The following TRMT11 variants were observed in gnomAD, a reference collection of about 807,000 sequenced individuals.
The protein encoded by TRMT11 is tRNA (guanine(10)-N(2))-methyltransferase TRMT11.
In TRMT11, 53 loss-of-function variants were observed where a neutral mutation model predicts 62.8. The ratio of observed to expected loss-of-function variants is 0.84; its 90% CI spans 0.68 to 1.06. TRMT11 has a LOEUF of 1.06. Ranked by LOEUF, TRMT11 falls within the 50% of genes least tolerant of loss-of-function variation. The probability of loss-of-function intolerance (pLI) is 0.00; values close to 1 mark genes in which losing one functional copy is unlikely to be tolerated. For synonymous variants in TRMT11, 188 were observed against 190.3 expected, an observed-to-expected ratio of 0.99 and a Z score of 0.10; for missense variants, 556 against 553.4, an observed-to-expected ratio of 1.00 and a Z score of -0.05.
At chr6:126,065,535 C>T (rs776627479) in intron 17 of TRMT11, among the ~76,000 whole-genome samples, 2 of 152,220 alleles carry the variant, frequency 1.3e-5, no homozygotes, top group Non-Finnish European at 2.9e-5. Context: ...AACCTTGGTT[C>T]ATTTCTTGAC....
intron 1 of TRMT11, among the ~76,000 whole-genome samples, chr6:126,186,944 C>A (rs1012386626): frequency 6.6e-6 from 1 of 152,004 alleles, no homozygotes; most frequent in Non-Finnish European, 1.5e-5. Context: ...ATAAAAATTT[C>A]TCTGTAAACT....
At chr6:126,028,627 G>C (rs1049753112) in intron 12 of TRMT11, among the ~76,000 whole-genome samples, 23 of 152,060 alleles carry the variant, frequency 1.5e-4, no homozygotes, top group African/African-American at 5.6e-4. Flanking sequence ...TTTTTCTTGA[G>C]TTTACATCGT....
At chr6:126,247,442 TATCTATC>T in the TRMT11 span, among the ~76,000 whole-genome samples, 2 of 48,856 alleles carry the variant, frequency 4.1e-5, no homozygotes, top group Non-Finnish European at 1.1e-4. Flanking sequence ...ACACAGAACA[TATCTATC>T]TATCTATCTA....
At chr6:126,237,955 G>A in the TRMT11 span, among the ~76,000 whole-genome samples, 5 of 152,036 alleles carry the variant, frequency 3.3e-5, no homozygotes, top group African/African-American at 1.2e-4. Flanking sequence ...TGTATGTGTC[G>A]AGGAATTTAT....
At position 126,093,910 on chromosome 6, in the gene TRMT11, T is replaced by G. The variant is rs1004273328; in HGVS notation, c.*1438-18956T>G. The stretch of plus-strand genomic sequence containing the variant: ...AATAATTGCAAATTTCCTGAATGAG[T>G]AAAGACTTAACAAAATGCTTTACTC... On this transcript the variant is annotated intron_variant and NMD_transcript_variant, in intron 17 of 22. Coordinates refer to the TRMT11 transcript ENST00000648977. Among the ~76,000 whole-genome samples the G allele has an allele frequency of 5.3e-5, 8 of 152,136 alleles. No individual in the cohort carries two copies. The East Asian group carries it at 1.5e-3, about 29-fold the overall frequency.
At chr6:126,128,386 A>G (rs1777742501) in intron 21 of TRMT11, among the ~76,000 whole-genome samples, 1 of 152,112 alleles carries the variant, frequency 6.6e-6, no homozygotes, top group Non-Finnish European at 1.5e-5. Context: ...TAAATCTGGA[A>G]AATTCTGTTA....
At chr6:126,097,108 A>G (rs1230331134) in intron 17 of TRMT11, among the ~76,000 whole-genome samples, 1 of 152,078 alleles carries the variant, frequency 6.6e-6, no homozygotes, top group African/African-American at 2.4e-5. Context: ...AAACATTTCT[A>G]TTTTCCCCCG....
chr6:126,145,365 A>G lies in TRMT11; in HGVS notation c.*1824-29460A>G, dbSNP rs143528241. On this transcript the variant is annotated intron_variant and NMD_transcript_variant, in intron 21 of 22. Coordinates refer to the TRMT11 transcript ENST00000648977. ...AGAGAGCACAGAGAAATGGTAGAAA[A>G]TAAGATGCAGGAGCCAAATTGGAAA... Among the ~76,000 whole-genome samples, 34 of 152,332 alleles carry G rather than the reference A, an allele frequency of 2.2e-4. 1 individual carries two copies. Among genetic ancestry groups the G allele is most frequent in the Middle Eastern group, 3.4e-3 (1 of 294 alleles).
At position 126,012,898 on chromosome 6, in the gene TRMT11, A is replaced by C; in HGVS notation, c.1007+46A>C. The C allele has an allele frequency of 1.2e-6, 2 of 1,608,374 alleles. 1 individual carries two copies. Among genetic ancestry groups the C allele is most frequent in the Middle Eastern group, 3.3e-4 (2 of 6,048 alleles). ...ATGTGTTACTACCTTGAGAAGAGGC[A>C]TGTGGCTTCCCCGTTAACTTAGCAC... is the stretch of plus-strand genomic sequence containing the variant. On this transcript the variant is annotated intron_variant, in intron 10 of 12. Transcript: ENST00000334379.
chr6:126,029,687 T>G (rs1318452748), intron 12 of TRMT11, among the ~76,000 whole-genome samples: 2 of 152,188 alleles, frequency 1.3e-5, no homozygotes, highest in Non-Finnish European at 2.9e-5. Flanking sequence ...CTCAAGAAGG[T>G]GTTAAACAAG....
chr6:126,137,680 C>A (rs1777867876), intron 21 of TRMT11, among the ~76,000 whole-genome samples: 1 of 151,774 alleles, frequency 6.6e-6, no homozygotes, highest in African/African-American at 2.4e-5. Context: ...ACGTTTATTG[C>A]AGTAGTATTT....
chr6:126,258,255 C>T, the TRMT11 span: 14 of 576,062 alleles, frequency 2.4e-5, no homozygotes, highest in South Asian at 1.2e-4. Flanking sequence ...CCTCCTCCTG[C>T]GGCCCTGGGG....
At chr6:126,112,146 C>G (rs561240581) in intron 17 of TRMT11, among the ~76,000 whole-genome samples, 19 of 152,218 alleles carry the variant, frequency 1.2e-4, no homozygotes, top group Non-Finnish European at 2.5e-4. Flanking sequence ...CTACTATTAG[C>G]TCAGCTTTAA....
intron 1 of TRMT11, among the ~76,000 whole-genome samples, chr6:126,188,829 A>T (rs1025003975): frequency 6.6e-6 from 1 of 152,166 alleles, no homozygotes; most frequent in Non-Finnish European, 1.5e-5. Flanking sequence ...CAACTGATTG[A>T]TCTTCTTACC....
At chr6:126,267,372 C>T in the TRMT11 span, among the ~76,000 whole-genome samples, 1 of 152,110 alleles carries the variant, frequency 6.6e-6, no homozygotes, top group South Asian at 2.1e-4. Context: ...TTACTACTGC[C>T]TGTAATTTTA....
At chr6:126,099,120 A>G (rs950939228) in intron 17 of TRMT11, among the ~76,000 whole-genome samples, 2 of 152,156 alleles carry the variant, frequency 1.3e-5, no homozygotes, top group African/African-American at 4.8e-5. Context: ...ATTCATTGTT[A>G]GCTTCTTATC....
At chr6:126,142,542 C>G (rs1194183921) in intron 21 of TRMT11, among the ~76,000 whole-genome samples, 2 of 151,906 alleles carry the variant, frequency 1.3e-5, no homozygotes, top group African/African-American at 2.4e-5. Flanking sequence ...TCAGAAAACC[C>G]AGGTTAGAAT....
chr6:126,002,937 T>C (rs1792764469), intron 7 of TRMT11, among the ~76,000 whole-genome samples: 3 of 152,174 alleles, frequency 2.0e-5, no homozygotes, highest in African/African-American at 4.8e-5. Flanking sequence ...GTTTTAACTT[T>C]GCTTTTTTCA....
intron 17 of TRMT11, among the ~76,000 whole-genome samples, chr6:126,064,835 T>C (rs6906966): frequency 0.12 from 17,632 of 152,222 alleles, 3,285 homozygotes; most frequent in African/African-American, 0.39. Context: ...TGGTTTTTGT[T>C]TTATGTTCCA....
Sources: allele counts gnomAD v4.1 joint callset (sites outside exome capture counted in the v4.1 genomes callset), GRCh38; gene constraint gnomAD v4.1.1; transcripts MANE v1.5; gene names NCBI Gene and HGNC (gene_info 2026-07-23, HGNC 2026-07-21).